ZNF516: variants seen among roughly 807,000 people sequenced by gnomAD.
ZNF516 encodes zinc finger protein 516.
In ZNF516, 19 loss-of-function variants were observed where a neutral mutation model predicts 79.7. That is an observed-to-expected ratio of 0.24 (90% CI 0.17 to 0.35). ZNF516 has a LOEUF of 0.35. Among genes scored for constraint, ZNF516 ranks in the 10% least tolerant of loss-of-function variants. The pLI, the probability that ZNF516 is intolerant of heterozygous loss-of-function variation, is 1.00. For synonymous variants in ZNF516, 877 were observed against 739.5 expected (o/e 1.19, Z -3.02); for missense variants, 1,678 against 1,679.5 (o/e 1.00, Z 0.02).
intron 1 of ZNF516, among the ~76,000 whole-genome samples, chr18:76,491,993 A>G (rs72983969): frequency 1.3e-5 from 2 of 152,226 alleles, no homozygotes; most frequent in South Asian, 4.1e-4. Context: ...AGATTTCTGC[A>G]GAAGAGGAGG....
intron 3 of ZNF516, among the ~76,000 whole-genome samples, chr18:76,433,075 T>C (rs8093472): frequency 0.018 from 2,678 of 152,328 alleles, 76 homozygotes; most frequent in African/African-American, 0.059. Context: ...GCACTTTCCA[T>C]TGAAGACTCT....
At chr18:76,362,757 G>T (rs528406326) in intron 6 of ZNF516, among the ~76,000 whole-genome samples, 200 bp from the exon 7 acceptor site, 3 of 152,312 alleles carry the variant, frequency 2.0e-5, no homozygotes, top group African/African-American at 7.2e-5. Flanking sequence ...TATTTCAAAT[G>T]TGCCTTCCTG....
In ZNF516 at chr18:76,377,715, AT is replaced by A. The variant is rs1213742643; in HGVS notation, c.3259+1139del. On this transcript the variant is annotated intron_variant, in intron 4 of 6. Coordinates refer to ENST00000443185, the MANE Select transcript of ZNF516 (RefSeq NM_014643.4). The stretch of plus-strand genomic sequence containing the variant: ...TAAGAAACCACAGGCTTACAACGTT[AT>A]TTTTTTTTTTTTTTTTTGAGATGGA... Among the ~76,000 whole-genome samples, 603 of 133,572 alleles carry A rather than the reference AT, an allele frequency of 4.5e-3. 6 individuals carry two copies. The highest frequency in any genetic ancestry group is 0.015 in the East Asian group (71 of 4,720). The allele number at this position is 133,572 out of a possible 152,430, so 87.6% of individuals were successfully genotyped here. A position where few individuals can be genotyped will look rare whatever the true frequency, so the allele number is the denominator to read the frequency against.
chr18:76,442,506 G>T lies in ZNF516; in HGVS notation c.549C>A (p.Phe183Leu). 1.2e-6 allele frequency: 2 copies of T among 1,601,774 alleles called. No individual in the cohort carries two copies. The highest frequency in any genetic ancestry group is 1.7e-6 in the Non-Finnish European group (2 of 1,179,624). The change falls in exon 3 of 7, where the codon TTC becomes TTA. Residue 183 changes from phenylalanine to leucine, a missense_variant. This residue lies in a region of ZNF516 where 279 missense variants were observed against 254.1 expected (regional missense o/e 1.10). Coordinates refer to ENST00000443185, the MANE Select transcript of ZNF516 (RefSeq NM_014643.4). ...AVQCSFCKSQ[F>L]ERKKDLELHV... ...GCAGCTCCAGGTCCTTCTTACGCTC[G>T]AACTGGCTCTTGCAGAAGGAGCACT...
chr18:76,487,297 A>G (rs1209769087), intron 1 of ZNF516, among the ~76,000 whole-genome samples: 2 of 152,250 alleles, frequency 1.3e-5, no homozygotes, highest in Non-Finnish European at 2.9e-5. Flanking sequence ...GATGCAGAGC[A>G]TAAGGAATGC....
intron 1 of ZNF516, chr18:76,491,054 C>G: frequency 1.0e-6 from 1 of 985,416 alleles, no homozygotes; most frequent in Non-Finnish European, 1.2e-6. Flanking sequence ...GGGCGCAGGA[C>G]CGGTTCAGGT....
At chr18:76,473,375 A>C (rs72983927) in intron 1 of ZNF516, among the ~76,000 whole-genome samples, 59,925 of 131,756 alleles carry the variant, frequency 0.45, 12,156 homozygotes, top group South Asian at 0.62. Flanking sequence ...AAAAAAAAAA[A>C]AAAACACCTA....
chr18:76,442,547 C>T lies in ZNF516; in HGVS notation c.508G>A (p.Ala170Thr). 4 of 1,599,376 alleles carry T rather than the reference C, an allele frequency of 2.5e-6. No individual in the cohort carries two copies. The African/African-American group carries it at 5.3e-5, about 21-fold the overall frequency. ...AEGSACAPGE[A>T]KAAVQCSFCK... is the part of the protein sequence containing the mutation. ...AAGGAGCACTGGACCGCTGCCTTGG[C>T]CTCCCCCGGGGCGCATGCGGACCCC... is the stretch of plus-strand genomic sequence containing the variant. Residue 170 changes from alanine (A) to threonine (T), a missense_variant, in exon 3 of 7, where the codon GCC becomes ACC. Transcript: ENST00000443185.
At chr18:76,406,879 G>T (rs1267681181) in intron 3 of ZNF516, among the ~76,000 whole-genome samples, 2 of 152,196 alleles carry the variant, frequency 1.3e-5, no homozygotes, top group African/African-American at 4.8e-5. Flanking sequence ...TTGAGAGTGG[G>T]AGACAGCAGC....
At chr18:76,447,147 T>C (rs1028131314) in intron 2 of ZNF516, among the ~76,000 whole-genome samples, 13 of 152,156 alleles carry the variant, frequency 8.5e-5, no homozygotes, top group African/African-American at 3.1e-4. Context: ...CAGGCAAAAA[T>C]TGCTATTTAA....
intron 1 of ZNF516, among the ~76,000 whole-genome samples, chr18:76,489,971 GATT>G (rs911088262): frequency 6.6e-5 from 10 of 152,154 alleles, no homozygotes; most frequent in African/African-American, 2.2e-4. Context: ...GATCCACCGG[GATT>G]ATTATTTTTT....
chr18:76,381,902 C>T (rs183469055), intron 3 of ZNF516, among the ~76,000 whole-genome samples: 7 of 152,328 alleles, frequency 4.6e-5, no homozygotes, highest in African/African-American at 1.4e-4. Flanking sequence ...GGGGCCGAGG[C>T]GGGTGGGTCA....
chr18:76,461,362 T>G (rs1364208533), intron 2 of ZNF516, among the ~76,000 whole-genome samples: 1 of 152,142 alleles, frequency 6.6e-6, no homozygotes, highest in Non-Finnish European at 1.5e-5. Flanking sequence ...GAAAAACATG[T>G]TGGCTTCCTC....
chr18:76,371,619 G>A (rs762254645), intron 4 of ZNF516, 48 bp from the exon 5 acceptor site: 40 of 1,520,308 alleles, frequency 2.6e-5, no homozygotes, highest in Non-Finnish European at 3.5e-5. Flanking sequence ...TGGGGTTGGC[G>A]TGGAGGTGAG....
chr18:76,374,081 T>C (rs1017263885), intron 4 of ZNF516, among the ~76,000 whole-genome samples: 2 of 152,188 alleles, frequency 1.3e-5, no homozygotes, highest in East Asian at 1.9e-4. Context: ...AAAGAGGAGA[T>C]GAAAAAGATT....
At chr18:76,384,698 C>T (rs185140185) in intron 3 of ZNF516, among the ~76,000 whole-genome samples, 9 of 151,430 alleles carry the variant, frequency 5.9e-5, no homozygotes, top group East Asian at 2.0e-4. Context: ...GAGAAGTGTC[C>T]GGGGAGGGGG....
At position 76,402,734 on chromosome 18, in the gene ZNF516, T is replaced by C. The variant is rs80212959; in HGVS notation, c.1811-22431A>G. Among the ~76,000 whole-genome samples, 673 of 152,368 alleles carry C rather than the reference T, an allele frequency of 4.4e-3. 6 individuals are homozygous for C. Among genetic ancestry groups the C allele is most frequent in the African/African-American group, 0.015 (643 of 41,594 alleles). The stretch of plus-strand genomic sequence containing the variant: ...ACAGGTCTGACTCTCACGTGATTTC[T>C]CCTCTCTGAACTAGAAGCGAGCTCC... On this transcript the variant is annotated intron_variant, in intron 3 of 6. Coordinates refer to ENST00000443185, the MANE Select transcript of ZNF516 (RefSeq NM_014643.4).
Position 76,441,745 on chromosome 18 carries a change from C to A in ZNF516, c.1310G>T (p.Gly437Val). 6.4e-7 allele frequency: 1 copy of A among 1,573,016 alleles called. No individual in the cohort carries two copies. Among genetic ancestry groups the A allele is most frequent in the East Asian group, 2.3e-5 (1 of 42,670 alleles). ...CCCGGCCAGCGCCTCGTCCCAGGCCCCGTACTTGAGGTACTCGGCCGGCTC... is the reference window on the plus strand; with the variant it reads ...CCCGGCCAGCGCCTCGTCCCAGGCCACGTACTTGAGGTACTCGGCCGGCTC... Reference protein sequence around the residue: ...VAEPAEYLKYGAWDEALAGDV... With the variant: ...VAEPAEYLKYVAWDEALAGDV... The change falls in exon 3 of 7, where the codon GGG becomes GTG. Residue 437 changes from glycine (G) to valine (V), a missense_variant. By Grantham distance (109) the Gly-to-Val change is moderately radical (BLOSUM62 -3). Transcript: ENST00000443185.
Position 76,358,998 on chromosome 18 carries a change from AC to A in ZNF516, c.*3499del, listed in dbSNP as rs1180706411. ...ATGAAGCTTGCCCTTTCTGCACTCA[AC>A]CCCTGCAGCCTGAAGGAGTGTGAGA... On this transcript the variant is annotated 3_prime_UTR_variant, in exon 7 of 7. Transcript: ENST00000443185. The A allele has an allele frequency of 1.3e-5, 2 of 152,056 alleles. No homozygotes were observed. Among genetic ancestry groups the A allele is most frequent in the African/African-American group, 4.8e-5 (2 of 41,306 alleles). 9.4% of individuals were successfully genotyped at this position (152,056 alleles called of 1,614,324 possible). A position where few individuals can be genotyped will look rare whatever the true frequency, so the allele number is the denominator to read the frequency against.
Sources: gnomAD v4.1 joint callset for allele counts (sites outside exome capture counted in the v4.1 genomes callset) on GRCh38, gnomAD v4.1.1 for gene constraint, gnomAD v4.1.1 regional missense constraint, MANE v1.5 for transcripts, NCBI Gene and HGNC (gene_info 2026-07-23, HGNC 2026-07-21) for gene names.